SLC25A22: variants seen among roughly 807,000 people sequenced by gnomAD.
SLC25A22 encodes the protein solute carrier family 25 member 22.
A neutral mutation model predicts 33.7 loss-of-function variants in SLC25A22; 23 were observed. The observed-to-expected ratio is 0.68, with a 90% CI of 0.49 to 0.97. The LOEUF (loss-of-function observed/expected upper bound fraction) is 0.97. Ranked by LOEUF, SLC25A22 falls within the 50% of genes least tolerant of loss-of-function variation. SLC25A22 has a pLI of 0.00. For synonymous variants in SLC25A22, 245 were observed against 203.8 expected (o/e 1.20, Z -1.72); for missense variants, 390 against 451.1 (o/e 0.86, Z 1.23).
At position 791,989 on chromosome 11, in the gene SLC25A22, C is replaced by T. The variant is rs969554802; in HGVS notation, c.898G>A (p.Gly300Ser). ...AGGAAGTAGACCACCTGTGCGATGC[C>T]GAAAAGGGGCGCGATGACCAGCGCG... ...CRALVIAPLF[G>S]IAQVVYFLGI... Residue 300 changes from glycine (G) to serine (S), a missense_variant, in exon 10 of 10, where the codon GGC becomes AGC. Physicochemically the swap from Gly to Ser is moderately conservative, Grantham distance 56 (BLOSUM62 0). Coordinates refer to ENST00000628067, the MANE Select transcript of SLC25A22 (RefSeq NM_001191061.2). 8 of 1,609,166 alleles carry T rather than the reference C, an allele frequency of 5.0e-6. No homozygotes were observed. The highest frequency in any genetic ancestry group is 2.7e-5 in the African/African-American group (2 of 74,844).
rs774688288 is a variant in SLC25A22 at position 792,527 on chromosome 11, C to T, written c.587+26G>A. ...GGGCAGGCCGGCCTCCCCCTTCCCTCCCCCCACCTGCCCTGTGCCTCCTAC... is the reference window on the plus strand; with the variant it reads ...GGGCAGGCCGGCCTCCCCCTTCCCTTCCCCCACCTGCCCTGTGCCTCCTAC... On this transcript the variant is annotated intron_variant, in intron 7 of 9. Coordinates refer to ENST00000628067, the MANE Select transcript of SLC25A22 (RefSeq NM_001191061.2). 2.5e-6 allele frequency: 4 copies of T among 1,611,926 alleles called. No individual in the cohort carries two copies. In the African/African-American group the frequency reaches 4.0e-5, roughly 16 times the overall value.
chr11:794,965 G>A (rs2133714468), intron 2 of SLC25A22, 22 bp downstream of exon 2: 10 of 1,561,706 alleles, frequency 6.4e-6, no homozygotes, highest in Non-Finnish European at 8.7e-6. Context: ...GGTGAGGCAC[G>A]CAGCCAGGAC....
chr11:792,832 G>A lies in SLC25A22; in HGVS notation c.412+38C>T, dbSNP rs200200466. 829 of 956,298 alleles carry A rather than the reference G, an allele frequency of 8.7e-4. 7 individuals are homozygous for A. The highest frequency in any genetic ancestry group is 1.1e-4 in the Non-Finnish European group (77 of 672,516). 59.2% of individuals were successfully genotyped at this position (956,298 alleles called of 1,614,324 possible). On this transcript the variant is annotated intron_variant, in intron 6 of 9. Coordinates refer to ENST00000628067, the MANE Select transcript of SLC25A22 (RefSeq NM_001191061.2). ...CCTCCCCTCGCCCTCACCTCTTCCC[G>A]CACCTCTGCCCTCTCCTCCCCCTCC...
In SLC25A22 at chr11:790,591, G is replaced by A. The variant is rs1335657342; in HGVS notation, c.*1324C>T. The A allele has an allele frequency of 1.3e-5, 2 of 152,258 alleles. No individual in the cohort carries two copies. Among genetic ancestry groups the A allele is most frequent in the Non-Finnish European group, 2.9e-5 (2 of 68,056 alleles). 9.4% of individuals were successfully genotyped at this position (152,258 alleles called of 1,614,324 possible). A position where few individuals can be genotyped will look rare whatever the true frequency, so the allele number is the denominator to read the frequency against. The stretch of plus-strand genomic sequence containing the variant: ...GTAAGCAGCAGCAGCAGCTTCCAAG[G>A]TTCTGATGTGACGGGAGGGGCAGCT... On this transcript the variant is annotated 3_prime_UTR_variant, in exon 10 of 10. Coordinates refer to ENST00000628067, the MANE Select transcript of SLC25A22 (RefSeq NM_001191061.2).
chr11:794,873 T>TGA lies in SLC25A22; in HGVS notation c.48_49insTC (p.Ile17SerfsTer5). 1 of 1,568,062 alleles carries TGA rather than the reference T, an allele frequency of 6.4e-7. No homozygotes were observed. The highest frequency in any genetic ancestry group is 1.2e-5 in the South Asian group (1 of 85,398). On this transcript the variant is annotated frameshift_variant, in exon 3 of 10. Transcript: ENST00000628067. LOFTEE classifies it high-confidence loss of function. ...CAGGTGACACCGATCAGCCCGGCGA[T>TGA]GCCGCCATTGATGAGCTTGGCTGGC...
At chr11:794,538 C>T in intron 3 of SLC25A22, 25 bp from the exon 4 acceptor site, 1 of 1,610,500 alleles carries the variant, frequency 6.2e-7, no homozygotes, top group Non-Finnish European at 8.5e-7. Flanking sequence ...ACAGGGTGAG[C>T]CAGGGCCAGC....
At position 797,219 on chromosome 11, in the gene SLC25A22, G is replaced by A. The variant is rs537530322; in HGVS notation, c.-164+998C>T. ...GATCCCAGGGCGGAGAGGCAGGCCT[G>A]GGCCCGCACGTCACCCAGTGCAGCG... On this transcript the variant is annotated intron_variant, in intron 1 of 9. Transcript: ENST00000628067. 1.6e-4 allele frequency among the ~76,000 whole-genome samples: 24 copies of A among 152,328 alleles called. 1 individual carries two copies. In the South Asian group the frequency reaches 4.8e-3, roughly 30 times the overall value.
At position 792,584 on chromosome 11, in the gene SLC25A22, G is replaced by A. The variant is rs1363497671; in HGVS notation, c.556C>T (p.Leu186Phe). 2.5e-6 allele frequency: 4 copies of A among 1,611,966 alleles called. No homozygotes were observed. The highest frequency in any genetic ancestry group is 2.5e-6 in the Non-Finnish European group (3 of 1,179,692). Residue 186 changes from leucine to phenylalanine, a missense_variant, in exon 7 of 10, where the codon CTC (leucine) becomes TTC (phenylalanine). Transcript: ENST00000628067. ...AGCGTGGCCCCGAGTCCCTTGTAGA[G>A]ACCGGCAATGCCACGGCTCCGCAGC... ...DLLRSRGIAG[L>F]YKGLGATLLR...
intron 4 of SLC25A22, 161 bp downstream of exon 4, chr11:794,297 T>C (rs1290997177): frequency 1.2e-6 from 1 of 857,450 alleles, no homozygotes; most frequent in Non-Finnish European, 1.9e-6. Flanking sequence ...TCACCAGAGA[T>C]CCAGTCCCCC....
In SLC25A22 at chr11:792,142, C is replaced by T. The variant is rs1195505218; in HGVS notation, c.818G>A (p.Arg273Lys). 1 of 1,612,364 alleles carries T rather than the reference C, an allele frequency of 6.2e-7. No individual in the cohort carries two copies. Among genetic ancestry groups the T allele is most frequent in the South Asian group, 1.1e-5 (1 of 90,962 alleles). The change falls in exon 9 of 10, where the codon AGG becomes AAG. Residue 273 changes from arginine to lysine, a missense_variant and splice_region_variant. Physicochemically the swap from Arg to Lys is conservative, Grantham distance 26. Coordinates refer to ENST00000628067, the MANE Select transcript of SLC25A22 (RefSeq NM_001191061.2). ...CCCACCCGCCGTGGGACCTCCCCAC[C>T]TGGCACAGTCCAGGATCCCAGAGTA... ...DTYSGILDCA[R>K]KILRHEGPSA...
In SLC25A22 at chr11:792,032, C is replaced by T. The variant is rs530958282; in HGVS notation, c.855G>A (p.Leu285=). 1 of 1,603,212 alleles carries T rather than the reference C, an allele frequency of 6.2e-7. No individual in the cohort carries two copies. The highest frequency in any genetic ancestry group is 1.1e-5 in the South Asian group (1 of 89,814). The change falls in exon 10 of 10, where the codon CTG becomes CTA. Residue 285 remains leucine, a synonymous_variant. Coordinates refer to ENST00000628067, the MANE Select transcript of SLC25A22 (RefSeq NM_001191061.2). ...CCAGCGCGCGGCAGTAGGCGCCCTT[C>T]AGGAAGGCCGAGGGGCCCTCGTGCC... ...ILRHEGPSAF[L]KGAYCRALVI...
intron 4 of SLC25A22, 112 bp downstream of exon 4, chr11:794,346 C>A: frequency 8.0e-7 from 1 of 1,249,428 alleles, no homozygotes; most frequent in Non-Finnish European, 1.1e-6. Flanking sequence ...TCCACGCTCA[C>A]ACACCAGGCC....
At position 795,114 on chromosome 11, in the gene SLC25A22, G is replaced by A. The variant is rs943625841; in HGVS notation, c.-108C>T. 8 of 1,345,698 alleles carry A rather than the reference G, an allele frequency of 5.9e-6. No individual in the cohort carries two copies. The highest frequency in any genetic ancestry group is 7.2e-6 in the Non-Finnish European group (7 of 971,314). The allele number at this position is 1,345,698 out of a possible 1,614,324, so 83.4% of individuals were successfully genotyped here. On this transcript the variant is annotated 5_prime_UTR_variant, in exon 2 of 10. Transcript: ENST00000628067. Reference sequence around the variant, plus strand: ...AGGGAGGGTGGGACCCAGGGGGGTTGGGTGGTGCTCCACCTTCAGGGGAAT... The same window carrying A: ...AGGGAGGGTGGGACCCAGGGGGGTTAGGTGGTGCTCCACCTTCAGGGGAAT...
chr11:794,825 T>G lies in SLC25A22; in HGVS notation c.97A>C (p.Lys33Gln). ...TTCTGCTGGTTCTGCAGCCTGGTCTTGGCCAGGTCGATGGGAAACACGCAG... is the reference window on the plus strand; with the variant it reads ...TTCTGCTGGTTCTGCAGCCTGGTCTGGGCCAGGTCGATGGGAAACACGCAG... ...VTCVFPIDLA[K>Q]TRLQNQQNGQ... Residue 33 changes from lysine (K) to glutamine (Q), a missense_variant, in exon 3 of 10, where the codon AAG (lysine) becomes CAG (glutamine). Lys to Gln is a moderately conservative substitution (Grantham distance 53). Transcript: ENST00000628067. 6.3e-7 allele frequency: 1 copy of G among 1,594,434 alleles called. No homozygotes were observed. Among genetic ancestry groups the G allele is most frequent in the Non-Finnish European group, 8.5e-7 (1 of 1,171,422 alleles).
intron 1 of SLC25A22, chr11:795,409 ACGCCGCTCACG>A (rs1565041325): frequency 3.4e-6 from 1 of 298,330 alleles, no homozygotes; most frequent in Non-Finnish European, 6.2e-6. Context: ...CCAGCCTCAC[ACGCCGCTCACG>A]CTCGGGGCTC....
At chr11:792,846 T>A (rs1590119211) in intron 6 of SLC25A22, 24 bp downstream of exon 6, 1 of 764,154 alleles carries the variant, frequency 1.3e-6, no homozygotes, top group African/African-American at 2.0e-5. Flanking sequence ...CTCTGCCCTC[T>A]CCTCCCCCTC....
In SLC25A22 at chr11:793,616, G is replaced by A. The variant is rs757385083; in HGVS notation, c.206C>T (p.Ala69Val). The change falls in exon 5 of 10, where the codon GCT (alanine) becomes GTT (valine). Residue 69 changes from alanine (A) to valine (V), a missense_variant. Transcript: ENST00000628067. ...SEGYFGMYRG[A>V]AVNLTLVTPE... ...GGTGACGAGGGTCAAGTTCACAGCAGCTCCTGTGGGGCAGGGGGTCAGCTG... is the reference window on the plus strand; with the variant it reads ...GGTGACGAGGGTCAAGTTCACAGCAACTCCTGTGGGGCAGGGGGTCAGCTG... 1.2e-6 allele frequency: 2 copies of A among 1,607,880 alleles called. No homozygotes were observed. Among genetic ancestry groups the A allele is most frequent in the South Asian group, 2.2e-5 (2 of 91,060 alleles).
chr11:797,689 C>T, intron 1 of SLC25A22: 1 of 398,714 alleles, frequency 2.5e-6, no homozygotes. Context: ...TCCCCGTCCT[C>T]TTGGGGCGGT....
At position 793,286 on chromosome 11, in the gene SLC25A22, T is replaced by C. The variant is rs117718744; in HGVS notation, c.293+243A>G. The stretch of plus-strand genomic sequence containing the variant: ...GGCTGCCCTTGCAGTCCCCCTCCAG[T>C]GATGGGGGAGCTGGTCAGTGCCCTC... On this transcript the variant is annotated intron_variant, in intron 5 of 9. Transcript: ENST00000628067. Among the ~76,000 whole-genome samples the C allele has an allele frequency of 8.3e-3, 1,256 of 152,208 alleles. 62 individuals carry two copies. In the East Asian group the frequency reaches 0.13, roughly 16 times the overall value.
Sources: gnomAD v4.1 joint callset for allele counts (sites outside exome capture counted in the v4.1 genomes callset) on GRCh38, gnomAD v4.1.1 for gene constraint, MANE v1.5 for transcripts, NCBI Gene and HGNC (gene_info 2026-07-23, HGNC 2026-07-21) for gene names.